The following MOSPD2 variants were observed in gnomAD, a reference collection of about 807,000 sequenced individuals.
MOSPD2 encodes the protein motile sperm domain containing 2.
A neutral mutation model predicts 41.7 loss-of-function variants in MOSPD2; 5 were observed. That is an observed-to-expected ratio of 0.12 (90% CI 0.06 to 0.25). The LOEUF (loss-of-function observed/expected upper bound fraction) is 0.25. MOSPD2 is among the 10% of genes least tolerant of loss of function. The probability of loss-of-function intolerance (pLI) is 1.00; values close to 1 mark genes in which losing one functional copy is unlikely to be tolerated. For synonymous variants in MOSPD2, 115 were observed against 126.9 expected (o/e 0.91, Z 0.63); for missense variants, 282 against 375.2 (o/e 0.75, Z 2.05).
At chrX:14,914,687 T>C in intron 11 of MOSPD2, 88 bp downstream of exon 11, 1 of 556,587 alleles carries the variant, frequency 1.8e-6, no homozygotes, top group Non-Finnish European at 2.8e-6. Context: ...AGATTGAAAA[T>C]TTTGAACTTG....
rs765974521 is a variant in MOSPD2 at position 14,873,803 on chromosome X, T to C, written c.79+45T>C. ...TATTAAGAAAGGTGTGCAGTGAGCA[T>C]CCCCAACTTTGCTGGAGTGTTTGTG... On this transcript the variant is annotated intron_variant, in intron 2 of 14. Coordinates refer to ENST00000380492, the MANE Select transcript of MOSPD2 (RefSeq NM_152581.4). 6 of 1,062,614 alleles carry C rather than the reference T, an allele frequency of 5.6e-6. 1 individual carries two copies. The Admixed American group carries it at 1.3e-4, about 23-fold the overall frequency. 87.6% of individuals were successfully genotyped at this position (1,062,614 alleles called of 1,213,427 possible). A position where few individuals can be genotyped will look rare whatever the true frequency, so the allele number is the denominator to read the frequency against.
intron 7 of MOSPD2, among the ~76,000 whole-genome samples, chrX:14,903,383 C>A (rs1421650990): frequency 9.1e-6 from 1 of 110,419 alleles, no homozygotes; most frequent in Non-Finnish European, 1.9e-5. Flanking sequence ...AAATATTCAA[C>A]CATTAAGGTA....
At chrX:14,886,357 G>A (rs751862182) in intron 2 of MOSPD2, among the ~76,000 whole-genome samples, 2 of 110,539 alleles carry the variant, frequency 1.8e-5, no homozygotes, top group Non-Finnish European at 3.8e-5. Context: ...GTTTAGCTTT[G>A]TTTGTTCAAG....
intron 1 of MOSPD2, 70 bp from the exon 2 acceptor site, chrX:14,873,619 G>C (rs1268559201): frequency 8.3e-7 from 1 of 1,201,524 alleles, no homozygotes; most frequent in African/African-American, 1.8e-5. Flanking sequence ...CCCGTGTGCA[G>C]GTGGGCTGGG....
At chrX:14,890,302 T>C (rs893669143) in intron 2 of MOSPD2, among the ~76,000 whole-genome samples, 9 of 111,884 alleles carry the variant, frequency 8.0e-5, no homozygotes, top group Admixed American at 9.5e-5. Flanking sequence ...TGTGACAAAA[T>C]CGGGAAGTGT....
chrX:14,899,650 T>C (rs1349412934), intron 5 of MOSPD2, among the ~76,000 whole-genome samples: 1 of 102,932 alleles, frequency 9.7e-6, no homozygotes, highest in Non-Finnish European at 2.0e-5. Context: ...CTTAAGATAG[T>C]TAAGGATGCT....
At chrX:14,914,929 A>T (rs1170398999) in intron 11 of MOSPD2, among the ~76,000 whole-genome samples, 1 of 112,121 alleles carries the variant, frequency 8.9e-6, no homozygotes, top group Non-Finnish European at 1.9e-5. Context: ...TAACAGTGAA[A>T]CATAAAACTA....
Position 14,921,486 on chromosome X carries a change from G to A in MOSPD2, c.*1677G>A, listed in dbSNP as rs1383885449. The A allele has an allele frequency of 1.2e-5, 10 of 825,006 alleles. No homozygotes were observed. The highest frequency in any genetic ancestry group is 1.5e-5 in the Non-Finnish European group (10 of 655,294). 68.0% of individuals were successfully genotyped at this position (825,006 alleles called of 1,213,427 possible). On this transcript the variant is annotated 3_prime_UTR_variant, in exon 15 of 15. Transcript: ENST00000380492. The stretch of plus-strand genomic sequence containing the variant: ...CTTCCCCTTACATGGTAGATTTTTG[G>A]CCTTAATATAATCTAATCCCAAAGT...
Position 14,920,746 on chromosome X carries a change from AT to A in MOSPD2, c.*944del. On this transcript the variant is annotated 3_prime_UTR_variant, in exon 15 of 15. Coordinates refer to ENST00000380492, the MANE Select transcript of MOSPD2 (RefSeq NM_152581.4). ...TCTAAATGAAAGGTATTAGATATAA[AT>A]TTTTTTGAAAGGTTAGTTGTTTGAG... is the stretch of plus-strand genomic sequence containing the variant. 3 of 752,441 alleles carry A rather than the reference AT, an allele frequency of 4.0e-6. No individual in the cohort carries two copies. The highest frequency in any genetic ancestry group is 4.7e-6 in the Non-Finnish European group (3 of 637,892). 62.0% of individuals were successfully genotyped at this position (752,441 alleles called of 1,213,427 possible).
chrX:14,909,118 T>A, intron 8 of MOSPD2, 134 bp downstream of exon 8: 1 of 427,598 alleles, frequency 2.3e-6, no homozygotes, highest in Non-Finnish European at 3.5e-6. Context: ...AAATAGCAAG[T>A]AGTGTTACAC....
At chrX:14,892,991 A>C in intron 3 of MOSPD2, 113 bp downstream of exon 3, 1 of 501,674 alleles carries the variant, frequency 2.0e-6, no homozygotes. Flanking sequence ...TAAACACCAG[A>C]ATATAATTAT....
chrX:14,879,968 C>G (rs1020716693), intron 2 of MOSPD2, among the ~76,000 whole-genome samples: 3 of 109,932 alleles, frequency 2.7e-5, no homozygotes, highest in Non-Finnish European at 5.7e-5. Flanking sequence ...GAAAATTACT[C>G]CTTCCAACTC....
chrX:14,894,014 G>C (rs1402123777), intron 3 of MOSPD2, among the ~76,000 whole-genome samples: 2 of 112,400 alleles, frequency 1.8e-5, no homozygotes, highest in Non-Finnish European at 3.8e-5. Context: ...GGCATTTGCT[G>C]CCTTGCTATG....
chrX:14,920,122 A>G lies in MOSPD2; in HGVS notation c.*313A>G. 1.4e-6 allele frequency: 1 copy of G among 738,302 alleles called. No homozygotes were observed. The highest frequency in any genetic ancestry group is 7.5e-4 in the Middle Eastern group (1 of 1,328). 60.8% of individuals were successfully genotyped at this position (738,302 alleles called of 1,213,427 possible). On this transcript the variant is annotated 3_prime_UTR_variant, in exon 15 of 15. Transcript: ENST00000380492. ...TGAATACTTTTAAAGCTTAAGTTTT[A>G]TCGTGTAAATACATTAGCTAAACTG...
At chrX:14,894,124 TTTTC>T (rs909730117) in intron 3 of MOSPD2, among the ~76,000 whole-genome samples, 1 of 110,431 alleles carries the variant, frequency 9.1e-6, no homozygotes, top group East Asian at 2.8e-4. Context: ...TTATCTTCTC[TTTTC>T]TTTCTTTCTT....
chrX:14,904,243 C>T (rs918119774), intron 7 of MOSPD2, among the ~76,000 whole-genome samples: 2 of 111,518 alleles, frequency 1.8e-5, no homozygotes, highest in African/African-American at 6.5e-5. Context: ...CAGCCCTCAA[C>T]GAAGTACTAG....
intron 7 of MOSPD2, among the ~76,000 whole-genome samples, 165 bp from the exon 8 acceptor site, chrX:14,908,695 A>G (rs946379516): frequency 3.6e-5 from 4 of 112,045 alleles, no homozygotes. Flanking sequence ...CACAATGTAA[A>G]CGCCTACAGA....
chrX:14,905,651 A>G (rs1425336063), intron 7 of MOSPD2, among the ~76,000 whole-genome samples: 2 of 109,511 alleles, frequency 1.8e-5, no homozygotes, highest in African/African-American at 6.7e-5. Flanking sequence ...CTACCACCAC[A>G]CCTGGCTAAT....
At chrX:14,898,985 G>A (rs1407290589) in intron 5 of MOSPD2, among the ~76,000 whole-genome samples, 1 of 109,435 alleles carries the variant, frequency 9.1e-6, no homozygotes. Flanking sequence ...AAAATCATTT[G>A]TTAGAGTTGG....
Sources: allele counts gnomAD v4.1 joint callset (sites outside exome capture counted in the v4.1 genomes callset), GRCh38; gene constraint gnomAD v4.1.1; transcripts MANE v1.5; gene names NCBI Gene and HGNC (gene_info 2026-07-23, HGNC 2026-07-21).